The following RFX3 variants were observed in gnomAD, a reference collection of about 807,000 sequenced individuals.
RFX3 encodes transcription factor RFX3.
Under a neutral mutation model 98.6 loss-of-function variants are expected in RFX3, and 14 were observed. The ratio of observed to expected loss-of-function variants is 0.14; its 90% CI spans 0.09 to 0.22. The LOEUF (loss-of-function observed/expected upper bound fraction) is 0.22, where lower values mean the gene tolerates loss of function less well. RFX3 is among the 10% of genes least tolerant of loss of function. RFX3 has a pLI of 1.00. For synonymous variants in RFX3, 383 were observed against 328.4 expected, an observed-to-expected ratio of 1.17 and a Z score of -1.80; for missense variants, 639 against 926.9, an observed-to-expected ratio of 0.69 and a Z score of 4.03.
chr9:3,415,290 C>G (rs767702556), intron 1 of RFX3, among the ~76,000 whole-genome samples: 16 of 150,268 alleles, frequency 1.1e-4, no homozygotes, highest in Non-Finnish European at 2.1e-4. Flanking sequence ...TCATGATTCA[C>G]TGCAGCCTCT....
intron 1 of RFX3, among the ~76,000 whole-genome samples, chr9:3,463,650 A>G (rs1847919564): frequency 6.6e-6 from 1 of 152,160 alleles, no homozygotes. Flanking sequence ...ACAGAACTCA[A>G]TAAGAAGGAA....
chr9:3,429,606 T>G (rs1304070467), intron 1 of RFX3, among the ~76,000 whole-genome samples: 1 of 151,948 alleles, frequency 6.6e-6, no homozygotes, highest in East Asian at 1.9e-4. Context: ...CTCCTGGAGG[T>G]GCTAATCTCA....
chr9:3,233,225 G>A (rs1796172871), intron 15 of RFX3, among the ~76,000 whole-genome samples: 1 of 152,206 alleles, frequency 6.6e-6, no homozygotes, highest in African/African-American at 2.4e-5. Context: ...GTATAAGTGG[G>A]CAACAGCTTA....
chr9:3,482,088 C>T (rs1849813081), intron 1 of RFX3, among the ~76,000 whole-genome samples: 1 of 152,060 alleles, frequency 6.6e-6, no homozygotes, highest in African/African-American at 2.4e-5. Flanking sequence ...GATGCACATA[C>T]ATGCCAAAAT....
intron 14 of RFX3, among the ~76,000 whole-genome samples, chr9:3,250,469 T>C (rs536173603): frequency 5.3e-5 from 8 of 152,086 alleles, no homozygotes; most frequent in Admixed American, 6.5e-5. Context: ...CCCAATGTTA[T>C]AGCTGGTTTG....
At chr9:3,487,764 T>C (rs1368853073) in intron 1 of RFX3, among the ~76,000 whole-genome samples, 1 of 152,148 alleles carries the variant, frequency 6.6e-6, no homozygotes, top group Non-Finnish European at 1.5e-5. Flanking sequence ...CCTCCAAAGG[T>C]GTCCCCTGAA....
chr9:3,479,354 T>C (rs946868194), intron 1 of RFX3, among the ~76,000 whole-genome samples: 1 of 152,160 alleles, frequency 6.6e-6, no homozygotes, highest in Non-Finnish European at 1.5e-5. Flanking sequence ...TCTGAATTTA[T>C]AATTTTCAGG....
At chr9:3,494,027 G>C (rs1157197219) in intron 1 of RFX3, among the ~76,000 whole-genome samples, 1 of 151,848 alleles carries the variant, frequency 6.6e-6, no homozygotes, top group African/African-American at 2.4e-5. Context: ...CCATAATACT[G>C]ATAGTCTCAA....
At position 3,218,948 on chromosome 9, in the gene RFX3, T is replaced by C. The variant is rs1817206185; in HGVS notation, c.*6094A>G. 1 of 151,966 alleles carries C rather than the reference T, an allele frequency of 6.6e-6. No homozygotes were observed. Among genetic ancestry groups the C allele is most frequent in the Non-Finnish European group, 1.5e-5 (1 of 67,972 alleles). 9.4% of individuals were successfully genotyped at this position (151,966 alleles called of 1,614,324 possible). ...TCTTAAAAAAACACAATGAAAGAAG[T>C]TTTACCTAGAAGGTACGAAAGCCCT... On this transcript the variant is annotated 3_prime_UTR_variant, in exon 17 of 17. Coordinates refer to ENST00000617270, the MANE Select transcript of RFX3 (RefSeq NM_001282116.2).
At chr9:3,269,201 C>T (rs969184079) in intron 11 of RFX3, among the ~76,000 whole-genome samples, 7 of 151,534 alleles carry the variant, frequency 4.6e-5, no homozygotes, top group East Asian at 1.9e-4. Context: ...TATAAATTTA[C>T]GTGTGTTCAT....
chr9:3,343,472 T>C (rs895488347), intron 3 of RFX3, among the ~76,000 whole-genome samples: 5 of 151,930 alleles, frequency 3.3e-5, no homozygotes, highest in Non-Finnish European at 7.4e-5. Context: ...GTGTGCCAAA[T>C]AAAAAGAAGT....
intron 1 of RFX3, among the ~76,000 whole-genome samples, chr9:3,468,039 G>A (rs543775215): frequency 1.3e-5 from 2 of 152,236 alleles, no homozygotes; most frequent in South Asian, 4.1e-4. Context: ...CTGACCAAAA[G>A]AAACTACCAA....
chr9:3,442,371 G>A (rs1845682141), intron 1 of RFX3, among the ~76,000 whole-genome samples: 1 of 151,632 alleles, frequency 6.6e-6, no homozygotes, highest in African/African-American at 2.4e-5. Context: ...ATCAAGAAAA[G>A]GACATCAAAA....
chr9:3,291,390 AAAAAC>A (rs71324240), intron 6 of RFX3, among the ~76,000 whole-genome samples: 92,237 of 139,396 alleles, frequency 0.66, 30,660 homozygotes, highest in East Asian at 0.79. Context: ...AAACAAAAAC[AAAAAC>A]AAAACAAAAC....
At chr9:3,457,593 A>G (rs1847311607) in intron 1 of RFX3, among the ~76,000 whole-genome samples, 1 of 152,124 alleles carries the variant, frequency 6.6e-6, no homozygotes, top group Non-Finnish European at 1.5e-5. Context: ...CATGATCTGA[A>G]CATGTTCCAG....
chr9:3,497,925 C>A (rs1851229401), intron 1 of RFX3, among the ~76,000 whole-genome samples: 1 of 151,892 alleles, frequency 6.6e-6, no homozygotes, highest in Non-Finnish European at 1.5e-5. Context: ...ACTGTAATTG[C>A]CCGTCTTTAC....
rs1379400745 is a variant in RFX3 at position 3,223,947 on chromosome 9, C to G, written c.*1095G>C. The G allele has an allele frequency of 6.6e-6, 1 of 152,186 alleles. No homozygotes were observed. Among genetic ancestry groups the G allele is most frequent in the Non-Finnish European group, 1.5e-5 (1 of 68,040 alleles). 9.4% of individuals were successfully genotyped at this position (152,186 alleles called of 1,614,324 possible). On this transcript the variant is annotated 3_prime_UTR_variant, in exon 17 of 17. Coordinates refer to ENST00000617270, the MANE Select transcript of RFX3 (RefSeq NM_001282116.2). ...TGAGGTGTGCCAGTTACACTGCCTT[C>G]AGGTTCTGTTTACAATTTAAATCCA...
At chr9:3,225,539 A>C (rs41314213) in intron 16 of RFX3, among the ~76,000 whole-genome samples, 1 of 131,244 alleles carries the variant, frequency 7.6e-6, no homozygotes, top group Non-Finnish European at 1.7e-5. Flanking sequence ...TAACTTTTTT[A>C]AAAAAAAAGG....
intron 1 of RFX3, among the ~76,000 whole-genome samples, chr9:3,403,922 C>A (rs1841716467): frequency 6.6e-6 from 1 of 152,094 alleles, no homozygotes; most frequent in African/African-American, 2.4e-5. Context: ...TGACAGTGTT[C>A]CTCTAGATTA....
Sources: gnomAD v4.1 joint callset for allele counts (sites outside exome capture counted in the v4.1 genomes callset) on GRCh38, gnomAD v4.1.1 for gene constraint, MANE v1.5 for transcripts, NCBI Gene and HGNC (gene_info 2026-07-23, HGNC 2026-07-21) for gene names.